RELN: variants seen among roughly 807,000 people sequenced by gnomAD.
The protein encoded by RELN is reelin.
A neutral mutation model predicts 427.6 loss-of-function variants in RELN; 108 were observed. That is an observed-to-expected ratio of 0.25 (90% CI 0.22 to 0.30). The LOEUF (loss-of-function observed/expected upper bound fraction) is 0.30, where lower values mean the gene tolerates loss of function less well. Ranked by LOEUF, RELN falls within the 10% of genes least tolerant of loss-of-function variation. The pLI is 1.00. For synonymous variants in RELN, 1,524 were observed against 1,513.4 expected, an observed-to-expected ratio of 1.01 and a Z score of -0.16; for missense variants, 3,715 against 4,302.8, an observed-to-expected ratio of 0.86 and a Z score of 3.82.
intron 1 of RELN, among the ~76,000 whole-genome samples, chr7:103,966,943 C>T (rs1420747847): frequency 6.6e-6 from 1 of 152,218 alleles, no homozygotes; most frequent in African/African-American, 2.4e-5. Flanking sequence ...ACTGATGAGT[C>T]TACCTTTTTC....
chr7:103,551,966 G>A (rs1221498329), intron 40 of RELN, among the ~76,000 whole-genome samples: 1 of 151,382 alleles, frequency 6.6e-6, no homozygotes, highest in Non-Finnish European at 1.5e-5. Context: ...TGTGGTAAGA[G>A]CATCTAAAAT....
At chr7:103,941,032 G>A (rs1452502178) in intron 1 of RELN, among the ~76,000 whole-genome samples, 1 of 152,038 alleles carries the variant, frequency 6.6e-6, no homozygotes, top group Non-Finnish European at 1.5e-5. Context: ...AGCGTTCAAG[G>A]CCCAAATCTT....
At chr7:103,970,774 G>T (rs1376397219) in intron 1 of RELN, among the ~76,000 whole-genome samples, 2 of 152,174 alleles carry the variant, frequency 1.3e-5, no homozygotes, top group African/African-American at 2.4e-5. Context: ...TTTCCTCCAG[G>T]AACAGTGGTT....
intron 2 of RELN, among the ~76,000 whole-genome samples, chr7:103,870,520 G>A (rs921117423): frequency 1.6e-4 from 24 of 152,008 alleles, no homozygotes; most frequent in African/African-American, 5.3e-4. Flanking sequence ...TCCAAGCTCA[G>A]TCATCCTTGA....
At chr7:103,562,792 CT>C (rs1830670773) in intron 34 of RELN, among the ~76,000 whole-genome samples, 1 of 152,218 alleles carries the variant, frequency 6.6e-6, no homozygotes, top group South Asian at 2.1e-4. Context: ...CACAGCAACA[CT>C]GTTTACCACC....
chr7:103,839,910 G>A (rs1198619905), intron 2 of RELN, among the ~76,000 whole-genome samples: 1 of 152,180 alleles, frequency 6.6e-6, no homozygotes, highest in African/African-American at 2.4e-5. Flanking sequence ...GACAAACCTG[G>A]TGGGAGGTGA....
At chr7:103,632,461 G>A (rs141493732) in intron 19 of RELN, among the ~76,000 whole-genome samples, 1 of 152,180 alleles carries the variant, frequency 6.6e-6, no homozygotes, top group Non-Finnish European at 1.5e-5. Context: ...ATCTCTTTAA[G>A]ATTAAGCAGA....
At chr7:103,523,698 G>A (rs907543868) in intron 46 of RELN, among the ~76,000 whole-genome samples, 167 bp from the exon 47 acceptor site, 9 of 151,924 alleles carry the variant, frequency 5.9e-5, no homozygotes, top group African/African-American at 9.7e-5. Flanking sequence ...CTTTTTTTGA[G>A]ATGGAGTCTT....
intron 1 of RELN, among the ~76,000 whole-genome samples, chr7:103,926,323 T>C (rs1038870690): frequency 6.6e-6 from 1 of 152,058 alleles, no homozygotes; most frequent in Non-Finnish European, 1.5e-5. Context: ...CTCGATCTCT[T>C]GACCTTGTGA....
chr7:103,935,951 GTC>G (rs562110184), intron 1 of RELN, among the ~76,000 whole-genome samples: 45 of 151,702 alleles, frequency 3.0e-4, no homozygotes, highest in Non-Finnish European at 2.9e-4. Flanking sequence ...CCTTTAACAT[GTC>G]TCTCTCTCTC....
intron 3 of RELN, among the ~76,000 whole-genome samples, chr7:103,796,571 A>G (rs1792303281): frequency 6.6e-6 from 1 of 152,222 alleles, no homozygotes; most frequent in South Asian, 2.1e-4. Flanking sequence ...GAGTCTGTAG[A>G]AAGTAAATGG....
intron 1 of RELN, among the ~76,000 whole-genome samples, chr7:103,945,256 C>A (rs1796196187): frequency 6.6e-6 from 1 of 152,088 alleles, no homozygotes; most frequent in South Asian, 2.1e-4. Flanking sequence ...CTAACCCAAC[C>A]CCTGCCAAAG....
At chr7:103,869,456 A>T (rs1794276216) in intron 2 of RELN, among the ~76,000 whole-genome samples, 1 of 152,066 alleles carries the variant, frequency 6.6e-6, no homozygotes, top group African/African-American at 2.4e-5. Context: ...CTAATGACAA[A>T]GGATTATTTC....
chr7:103,875,441 A>T (rs1321784589), intron 2 of RELN, among the ~76,000 whole-genome samples: 1 of 152,200 alleles, frequency 6.6e-6, no homozygotes, highest in Non-Finnish European at 1.5e-5. Flanking sequence ...ATGGGAGTAT[A>T]TGAATATATT....
At chr7:103,786,432 G>A (rs1017020592) in intron 3 of RELN, among the ~76,000 whole-genome samples, 1 of 148,236 alleles carries the variant, frequency 6.7e-6, no homozygotes, top group African/African-American at 2.5e-5. Flanking sequence ...TCAATGTGCT[G>A]TATTCAGGAG....
chr7:103,983,185 AC>A (rs1034141935), intron 1 of RELN, among the ~76,000 whole-genome samples: 3 of 152,240 alleles, frequency 2.0e-5, no homozygotes, highest in Non-Finnish European at 4.4e-5. Context: ...CTACATTTGT[AC>A]TGATCCCCCT....
chr7:103,923,616 A>T (rs1795662455), intron 1 of RELN, among the ~76,000 whole-genome samples: 2 of 152,322 alleles, frequency 1.3e-5, no homozygotes, highest in Non-Finnish European at 2.9e-5. Flanking sequence ...GACTCCAATC[A>T]GCCTTTTGTG....
intron 3 of RELN, among the ~76,000 whole-genome samples, chr7:103,794,342 C>T (rs1051394585): frequency 1.3e-5 from 2 of 152,120 alleles, no homozygotes; most frequent in Admixed American, 6.6e-5. Flanking sequence ...AGATTTCATG[C>T]TTCCTCTAAG....
intron 2 of RELN, among the ~76,000 whole-genome samples, chr7:103,876,669 T>C (rs1234657021): frequency 6.6e-6 from 1 of 152,144 alleles, no homozygotes; most frequent in Non-Finnish European, 1.5e-5. Context: ...TCTAAAAAGT[T>C]TGATAATGAG....
Sources: gnomAD v4.1 joint callset for allele counts (sites outside exome capture counted in the v4.1 genomes callset) on GRCh38, gnomAD v4.1.1 for gene constraint, MANE v1.5 for transcripts, NCBI Gene and HGNC (gene_info 2026-07-23, HGNC 2026-07-21) for gene names.